Variants in DMD observed in about 807,000 individuals in gnomAD.
DMD encodes mutant dystrophin.
In DMD, 63 loss-of-function variants were observed where a neutral mutation model predicts 330.1. That is an observed-to-expected ratio of 0.19 (90% confidence interval 0.16 to 0.24). DMD has a LOEUF of 0.24. DMD is among the 10% of genes least tolerant of loss of function. The pLI, the probability that DMD is intolerant of heterozygous loss-of-function variation, is 1.00. For missense variants in DMD, 3,344 were observed against 2,684.1 expected, an observed-to-expected ratio of 1.25 and a Z score of -5.43; for synonymous variants, 1,223 against 959.8, an observed-to-expected ratio of 1.27 and a Z score of -5.07.
chrX:31,279,774 G>C (rs748225654), intron 62 of DMD, among the ~76,000 whole-genome samples: 4 of 112,602 alleles, frequency 3.6e-5, no homozygotes, highest in Admixed American at 2.8e-4. Flanking sequence ...CCATCAAATA[G>C]TGAGCTAAGT....
At chrX:32,091,394 T>C (rs1345001410) in intron 44 of DMD, among the ~76,000 whole-genome samples, 1 of 112,084 alleles carries the variant, frequency 8.9e-6, no homozygotes, top group Non-Finnish European at 1.9e-5. Context: ...GGCTTAGATG[T>C]TGAGTAAATA....
intron 1 of DMD, among the ~76,000 whole-genome samples, chrX:33,147,701 T>C (rs1656640521): frequency 9.0e-6 from 1 of 111,403 alleles, no homozygotes; most frequent in Admixed American, 9.6e-5. Context: ...AATTATCTCT[T>C]AACACCTCAC....
Position 32,853,769 on chromosome X carries a change from G to GAAAAA in DMD, c.94-3954_94-3950dup, listed in dbSNP as rs1162458210. ...ACTCTCCAATCAAAACACAGTGACA[G>GAAAAA]AAAAAAAAAAAAAAAAACAAACAAC... On this transcript the variant is annotated intron_variant, in intron 2 of 78. Coordinates refer to ENST00000357033, the MANE Select transcript of DMD (RefSeq NM_004006.3). Among the ~76,000 whole-genome samples the GAAAAA allele has an allele frequency of 3.4e-4, 19 of 55,985 alleles. 1 individual carries two copies. The highest frequency in any genetic ancestry group is 5.9e-4 in the East Asian group (1 of 1,705). The allele number at this position is 55,985 out of a possible 115,157, so 48.6% of individuals were successfully genotyped here.
At chrX:32,496,083 A>AT (rs1243466604) in intron 19 of DMD, among the ~76,000 whole-genome samples, 2 of 111,953 alleles carry the variant, frequency 1.8e-5, no homozygotes, top group East Asian at 5.6e-4. Context: ...TGTACAGTGC[A>AT]TAACAGACTG....
At chrX:31,341,888 C>T (rs1448824005) in intron 61 of DMD, among the ~76,000 whole-genome samples, 3 of 73,218 alleles carry the variant, frequency 4.1e-5, no homozygotes, top group East Asian at 4.3e-4. Flanking sequence ...TGCGTGCGCG[C>T]GCGCACACAC....
chrX:31,762,436 G>A (rs2089672411), intron 51 of DMD, among the ~76,000 whole-genome samples: 1 of 111,096 alleles, frequency 9.0e-6, no homozygotes. Context: ...GGGCGTGGTG[G>A]TGCGTTCCCG....
At chrX:32,616,945 T>C (rs1265530042) in intron 11 of DMD, among the ~76,000 whole-genome samples, 1 of 109,691 alleles carries the variant, frequency 9.1e-6, no homozygotes, top group Non-Finnish European at 1.9e-5. Context: ...AACTACCTCT[T>C]CAACTTTTTT....
intron 47 of DMD, among the ~76,000 whole-genome samples, chrX:31,891,736 A>G (rs2094254712): frequency 9.0e-6 from 1 of 110,853 alleles, no homozygotes; most frequent in South Asian, 3.8e-4. Flanking sequence ...AGCCTAAAAC[A>G]TTTACCATCT....
intron 19 of DMD, among the ~76,000 whole-genome samples, chrX:32,495,027 C>T (rs981204757): frequency 9.0e-6 from 1 of 111,000 alleles, no homozygotes; most frequent in African/African-American, 3.3e-5. Flanking sequence ...AATATTCTGC[C>T]ACATTTATAA....
intron 41 of DMD, among the ~76,000 whole-genome samples, chrX:32,315,509 AT>A (rs1042451008): frequency 9.4e-6 from 1 of 106,557 alleles, no homozygotes; most frequent in Non-Finnish European, 1.9e-5. Context: ...GAACTTAAGT[AT>A]AATTAAAAAA....
intron 60 of DMD, among the ~76,000 whole-genome samples, chrX:31,429,706 G>T (rs1473146947): frequency 1.5e-4 from 17 of 110,893 alleles, no homozygotes; most frequent in Non-Finnish European, 2.1e-4. Context: ...GATTTGGTGT[G>T]TTCCTCTACA....
At chrX:32,825,216 A>T (rs1427938748) in intron 4 of DMD, among the ~76,000 whole-genome samples, 1 of 111,830 alleles carries the variant, frequency 8.9e-6, no homozygotes, top group Non-Finnish European at 1.9e-5. Flanking sequence ...CACTGCTGGT[A>T]GATACGTTTT....
intron 16 of DMD, among the ~76,000 whole-genome samples, chrX:32,560,617 G>A (rs1266718966): frequency 1.8e-5 from 2 of 110,895 alleles, no homozygotes; most frequent in Non-Finnish European, 3.8e-5. Flanking sequence ...AGGCCCCAGT[G>A]TGTGTTGTTC....
At chrX:31,726,000 C>T (rs2086017010) in intron 52 of DMD, among the ~76,000 whole-genome samples, 1 of 112,055 alleles carries the variant, frequency 8.9e-6, no homozygotes, top group Non-Finnish European at 1.9e-5. Context: ...TGCTTTTGGT[C>T]CCCTGACCCA....
At chrX:32,915,263 C>T (rs1199284041) in intron 2 of DMD, among the ~76,000 whole-genome samples, 1 of 111,047 alleles carries the variant, frequency 9.0e-6, no homozygotes, top group African/African-American at 3.3e-5. Flanking sequence ...ATGAGTGGCA[C>T]GAATGCAAGA....
At chrX:32,978,256 C>T (rs1218155595) in intron 2 of DMD, among the ~76,000 whole-genome samples, 1 of 111,240 alleles carries the variant, frequency 9.0e-6, no homozygotes, top group East Asian at 2.8e-4. Flanking sequence ...GTTCCCTGTG[C>T]TAAGAGGCAG....
At chrX:33,069,973 T>C (rs1326250202) in intron 1 of DMD, among the ~76,000 whole-genome samples, 1 of 111,762 alleles carries the variant, frequency 8.9e-6, no homozygotes. Context: ...ATCAACAATC[T>C]TGTGGATTTA....
intron 44 of DMD, among the ~76,000 whole-genome samples, chrX:32,093,929 A>T (rs75018313): frequency 3.6e-5 from 4 of 111,383 alleles, no homozygotes; most frequent in Non-Finnish European, 7.6e-5. Context: ...TAAAAAAAAA[A>T]GCTTATCTAA....
At chrX:33,070,787 G>C (rs1017802223) in intron 1 of DMD, among the ~76,000 whole-genome samples, 1 of 102,746 alleles carries the variant, frequency 9.7e-6, no homozygotes, top group African/African-American at 3.5e-5. Context: ...TTTTTCAAGC[G>C]GGAGAATGAA....
Sources: gnomAD v4.1 joint callset for allele counts (sites outside exome capture counted in the v4.1 genomes callset) on GRCh38, gnomAD v4.1.1 for gene constraint, MANE v1.5 for transcripts, NCBI Gene and HGNC (gene_info 2026-07-23, HGNC 2026-07-21) for gene names.